Variants in PCDH15 observed in about 807,000 individuals in gnomAD.
PCDH15 encodes protocadherin-15.
Under a neutral mutation model 178.5 loss-of-function variants are expected in PCDH15, and 129 were observed. That is an observed-to-expected ratio of 0.72 (90% confidence interval 0.63 to 0.84). The LOEUF is 0.84. PCDH15 is among the 40% of genes least tolerant of loss of function. PCDH15 has a pLI of 0.00. For synonymous variants in PCDH15, 800 were observed against 732.0 expected (o/e 1.09, Z -1.50); for missense variants, 2,230 against 2,099.9 (o/e 1.06, Z -1.21).
chr10:54,324,521 G>A (rs2061812545), intron 7 of PCDH15, among the ~76,000 whole-genome samples: 1 of 152,020 alleles, frequency 6.6e-6, no homozygotes, highest in Admixed American at 6.6e-5. Flanking sequence ...CCAGAACATT[G>A]GAAGGCCAAG....
At chr10:53,881,137 C>T (rs2080686019) in intron 26 of PCDH15, among the ~76,000 whole-genome samples, 2 of 152,140 alleles carry the variant, frequency 1.3e-5, no homozygotes, top group East Asian at 1.9e-4. Context: ...GGCTCCAACA[C>T]CAGTAAAATT....
chr10:55,429,590 T>C lies in PCDH15; in HGVS notation c.-156+198035A>G, dbSNP rs140403595. Among the ~76,000 whole-genome samples, 292 of 152,322 alleles carry C rather than the reference T, an allele frequency of 1.9e-3. 3 individuals carry two copies. Among genetic ancestry groups the C allele is most frequent in the African/African-American group, 7.0e-3 (289 of 41,582 alleles). On this transcript the variant is annotated intron_variant, in intron 2 of 5. Transcript: ENST00000613346. ...GAAGTTATGTTTATAATTTTTGATGTACTGCAATATGGCTAAATAGGACAC... is the reference window on the plus strand; with the variant it reads ...GAAGTTATGTTTATAATTTTTGATGCACTGCAATATGGCTAAATAGGACAC...
intron 2 of PCDH15, among the ~76,000 whole-genome samples, chr10:55,044,682 ACT>A (rs1229707898): frequency 6.6e-6 from 1 of 152,110 alleles, no homozygotes; most frequent in Non-Finnish European, 1.5e-5. Context: ...TTTATTGCTC[ACT>A]GTTTTTATAT....
At chr10:54,784,610 G>T (rs983012287) in intron 1 of PCDH15, among the ~76,000 whole-genome samples, 7 of 149,528 alleles carry the variant, frequency 4.7e-5, no homozygotes, top group Non-Finnish European at 8.8e-5. Context: ...ATGCTTAAGG[G>T]AGTCCAACAT....
At chr10:55,548,847 T>G (rs1589131069) in intron 2 of PCDH15, among the ~76,000 whole-genome samples, 1 of 151,972 alleles carries the variant, frequency 6.6e-6, no homozygotes, top group African/African-American at 2.4e-5. Flanking sequence ...GAAGAATATA[T>G]AGAAAAATGA....
At chr10:54,172,284 C>A (rs1022227057) in intron 13 of PCDH15, among the ~76,000 whole-genome samples, 3 of 151,884 alleles carry the variant, frequency 2.0e-5, no homozygotes, top group African/African-American at 7.3e-5. Context: ...CTCAGAAACA[C>A]CCCCACTGAG....
chr10:54,046,221 A>C (rs1002672524), intron 18 of PCDH15, among the ~76,000 whole-genome samples: 1 of 152,230 alleles, frequency 6.6e-6, no homozygotes, highest in African/African-American at 2.4e-5. Flanking sequence ...CAACTCTCAT[A>C]TACAACTCTT....
At chr10:55,046,710 A>G (rs919812117) in intron 2 of PCDH15, among the ~76,000 whole-genome samples, 1 of 151,992 alleles carries the variant, frequency 6.6e-6, no homozygotes, top group Non-Finnish European at 1.5e-5. Context: ...ACCACTTTGG[A>G]TTTGACATTT....
At chr10:54,872,099 C>A (rs1954050244) in intron 3 of PCDH15, among the ~76,000 whole-genome samples, 1 of 151,842 alleles carries the variant, frequency 6.6e-6, no homozygotes, top group South Asian at 2.1e-4. Flanking sequence ...GTCTTTAAGT[C>A]CTTTATCTAT....
intron 1 of PCDH15, among the ~76,000 whole-genome samples, chr10:54,707,900 C>G (rs1477813349): frequency 1.3e-5 from 2 of 152,130 alleles, no homozygotes; most frequent in African/African-American, 4.8e-5. Flanking sequence ...AAACTCAGAG[C>G]AGGACTGCTT....
At chr10:54,887,137 ATTAGGGCACCACTTCC>A (rs1423391902) in intron 3 of PCDH15, among the ~76,000 whole-genome samples, 4 of 152,196 alleles carry the variant, frequency 2.6e-5, no homozygotes, top group Admixed American at 2.6e-4. Flanking sequence ...CAGAAAGTCA[ATTAGGGCACCACTTCC>A]TTTGCACTTC....
intron 1 of PCDH15, among the ~76,000 whole-genome samples, chr10:54,788,370 G>C (rs1276620540): frequency 6.6e-6 from 1 of 151,860 alleles, no homozygotes; most frequent in Non-Finnish European, 1.5e-5. Context: ...ATATCCAAAT[G>C]AAAGTTCCAA....
chr10:55,039,950 T>C (rs980347714), intron 2 of PCDH15, among the ~76,000 whole-genome samples: 4 of 152,002 alleles, frequency 2.6e-5, no homozygotes, highest in Non-Finnish European at 1.5e-5. Flanking sequence ...CATCAAACCA[T>C]AGGTATCCCA....
chr10:54,075,060 AGTTT>A (rs895405897), intron 17 of PCDH15, among the ~76,000 whole-genome samples: 20 of 151,956 alleles, frequency 1.3e-4, no homozygotes, highest in Admixed American at 6.6e-5. Flanking sequence ...ATTTTGAATC[AGTTT>A]GTTTATTTTT....
chr10:54,357,682 C>A (rs536517056), intron 5 of PCDH15, among the ~76,000 whole-genome samples: 1 of 152,074 alleles, frequency 6.6e-6, no homozygotes, highest in African/African-American at 2.4e-5. Flanking sequence ...TCATATGACA[C>A]CAAAAAAGAG....
chr10:55,202,709 G>C (rs1935617439), intron 1 of PCDH15, among the ~76,000 whole-genome samples: 1 of 152,124 alleles, frequency 6.6e-6, no homozygotes, highest in African/African-American at 2.4e-5. Context: ...CCCGTGTCAA[G>C]GGAGGGACCT....
At chr10:55,177,955 G>A (rs11004768) in intron 1 of PCDH15, among the ~76,000 whole-genome samples, 3,983 of 152,152 alleles carry the variant, frequency 0.026, 84 homozygotes, top group Non-Finnish European at 0.039. Flanking sequence ...CTCTTTCTTC[G>A]AGCACAAGTG....
At chr10:54,421,360 T>C (rs1774655) in intron 3 of PCDH15, among the ~76,000 whole-genome samples, 31,755 of 151,132 alleles carry the variant, frequency 0.21, 4,234 homozygotes, top group African/African-American at 0.38. Context: ...AATATGTGAA[T>C]CCTGGCTGGA....
At chr10:54,585,772 T>C (rs1466208524) in intron 2 of PCDH15, among the ~76,000 whole-genome samples, 1 of 152,166 alleles carries the variant, frequency 6.6e-6, no homozygotes, top group African/African-American at 2.4e-5. Flanking sequence ...GGCAAGCTCT[T>C]GCTTTTTGCT....
Sources: allele counts gnomAD v4.1 joint callset (sites outside exome capture counted in the v4.1 genomes callset), GRCh38; gene constraint gnomAD v4.1.1; transcripts MANE v1.5; gene names NCBI Gene and HGNC (gene_info 2026-07-23, HGNC 2026-07-21).